The following LINGO2 variants were observed in gnomAD, a reference collection of about 807,000 sequenced individuals.
LINGO2 encodes the protein leucine rich repeat and Ig domain containing 2, also known as leucine-rich repeat and immunoglobulin-like domain-containing nogo receptor-interacting protein 2.
In LINGO2, 14 loss-of-function variants were observed where a neutral mutation model predicts 30.6. That is an observed-to-expected ratio of 0.46 (90% confidence interval 0.30 to 0.72). LINGO2 has a LOEUF of 0.72. LINGO2 is among the 30% of genes least tolerant of loss of function. The probability of loss-of-function intolerance (pLI) is 0.07; values close to 1 mark genes in which losing one functional copy is unlikely to be tolerated. For missense variants in LINGO2, 729 were observed against 751.7 expected (o/e 0.97, Z 0.35); for synonymous variants, 317 against 288.5 (o/e 1.10, Z -1.00).
At chr9:28,914,421 A>G in the LINGO2 span, among the ~76,000 whole-genome samples, 2 of 152,214 alleles carry the variant, frequency 1.3e-5, no homozygotes, top group Admixed American at 6.5e-5. Flanking sequence ...TATATCAAGA[A>G]GCATTTAATT....
chr9:28,507,240 T>TGTGTGTGC (rs5897306), intron 1 of LINGO2, among the ~76,000 whole-genome samples: 8,740 of 149,846 alleles, frequency 0.058, 329 homozygotes, highest in Middle Eastern at 0.089. Context: ...TGTGTGTGCG[T>TGTGTGTGC]GCGTGCGCAC....
intron 4 of LINGO2, among the ~76,000 whole-genome samples, chr9:28,077,259 G>C (rs2133201085): frequency 6.6e-6 from 1 of 152,178 alleles, no homozygotes; most frequent in Middle Eastern, 3.4e-3. Flanking sequence ...TCTTAGATAG[G>C]AAGTAAGAGT....
At chr9:28,637,657 T>C (rs62548207) in intron 1 of LINGO2, among the ~76,000 whole-genome samples, 12,200 of 152,220 alleles carry the variant, frequency 0.08, 688 homozygotes, top group Admixed American at 0.2. Flanking sequence ...CTTGTGATTT[T>C]TGCACATTGA....
At chr9:28,572,512 C>T (rs1220787730) in intron 1 of LINGO2, among the ~76,000 whole-genome samples, 2 of 152,076 alleles carry the variant, frequency 1.3e-5, no homozygotes, top group Admixed American at 1.3e-4. Flanking sequence ...AGCATAACAA[C>T]AAGGCCGCTC....
chr9:28,020,315 G>C (rs905209847), intron 4 of LINGO2, among the ~76,000 whole-genome samples: 1 of 152,162 alleles, frequency 6.6e-6, no homozygotes, highest in East Asian at 1.9e-4. Flanking sequence ...GACCACTTGA[G>C]GTCAGGAGTT....
the LINGO2 span, among the ~76,000 whole-genome samples, chr9:28,909,823 T>C: frequency 6.6e-6 from 1 of 152,070 alleles, no homozygotes; most frequent in Non-Finnish European, 1.5e-5. Context: ...AGACATATAA[T>C]ATTAAAGAGT....
chr9:28,917,501 G>A, the LINGO2 span, among the ~76,000 whole-genome samples: 1 of 151,564 alleles, frequency 6.6e-6, no homozygotes, highest in Non-Finnish European at 1.5e-5. Flanking sequence ...TGCCCAGGCT[G>A]GAGTGCAGTT....
intron 5 of LINGO2, among the ~76,000 whole-genome samples, chr9:28,007,099 TTAAAAC>T (rs1449133764): frequency 6.6e-6 from 1 of 152,110 alleles, no homozygotes; most frequent in Non-Finnish European, 1.5e-5. Flanking sequence ...TAACTCCTCT[TTAAAAC>T]AAAATCACTT....
chr9:29,009,368 C>G, the LINGO2 span, among the ~76,000 whole-genome samples: 2 of 152,146 alleles, frequency 1.3e-5, no homozygotes, highest in African/African-American at 4.8e-5. Flanking sequence ...GCAAAAATCA[C>G]AAGCATTCCT....
At chr9:28,390,608 T>C (rs766170398) in intron 2 of LINGO2, among the ~76,000 whole-genome samples, 3 of 152,158 alleles carry the variant, frequency 2.0e-5, no homozygotes, top group Admixed American at 2.0e-4. Flanking sequence ...AGAATGGAGT[T>C]TACGATCACA....
At chr9:27,945,560 T>C (rs1378472075), downstream of LINGO2, among the ~76,000 whole-genome samples, 1 of 152,130 alleles carries the variant, frequency 6.6e-6, no homozygotes, top group African/African-American at 2.4e-5. Flanking sequence ...ACAACAGTAT[T>C]TCTTTCTGGG....
the LINGO2 span, among the ~76,000 whole-genome samples, chr9:29,058,541 A>AT: frequency 1.3e-5 from 2 of 151,856 alleles, no homozygotes; most frequent in Non-Finnish European, 2.9e-5. Context: ...TTAGAAAAAT[A>AT]TTTTTTTTAA....
At chr9:28,127,966 G>A (rs1827285541) in intron 4 of LINGO2, among the ~76,000 whole-genome samples, 1 of 152,152 alleles carries the variant, frequency 6.6e-6, no homozygotes, top group South Asian at 2.1e-4. Flanking sequence ...AGGAAATTCA[G>A]TCATGCAGCC....
intron 4 of LINGO2, among the ~76,000 whole-genome samples, chr9:28,229,192 T>C (rs1042984085): frequency 7.2e-5 from 11 of 151,832 alleles, no homozygotes; most frequent in Non-Finnish European, 1.6e-4. Flanking sequence ...CATGCAAAAT[T>C]CCTCCTCTTA....
the LINGO2 span, among the ~76,000 whole-genome samples, chr9:29,035,083 A>T: frequency 6.6e-6 from 1 of 152,204 alleles, no homozygotes; most frequent in African/African-American, 2.4e-5. Context: ...ATGATTAAAT[A>T]ATAAAACCGT....
chr9:28,373,986 T>C (rs1171650328), intron 2 of LINGO2, among the ~76,000 whole-genome samples: 3 of 151,714 alleles, frequency 2.0e-5, no homozygotes, highest in African/African-American at 7.3e-5. Context: ...ACAACCAGGC[T>C]TACATGTGTA....
At chr9:28,222,949 A>G (rs1343530853) in intron 4 of LINGO2, among the ~76,000 whole-genome samples, 2 of 152,186 alleles carry the variant, frequency 1.3e-5, no homozygotes, top group Admixed American at 6.5e-5. Flanking sequence ...GAGGAATGAA[A>G]TCATTATATA....
At chr9:28,553,114 G>A (rs138786458) in intron 1 of LINGO2, among the ~76,000 whole-genome samples, 1 of 152,228 alleles carries the variant, frequency 6.6e-6, no homozygotes, top group African/African-American at 2.4e-5. Flanking sequence ...AAGGAACGCA[G>A]CTCCTCACCA....
At chr9:28,206,794 G>A (rs1820424045) in intron 4 of LINGO2, among the ~76,000 whole-genome samples, 1 of 152,028 alleles carries the variant, frequency 6.6e-6, no homozygotes, top group African/African-American at 2.4e-5. Context: ...CTCTTTCAAC[G>A]TGATTTTGGA....
Sources: allele counts gnomAD v4.1 joint callset (sites outside exome capture counted in the v4.1 genomes callset), GRCh38; gene constraint gnomAD v4.1.1; transcripts MANE v1.5; gene names NCBI Gene and HGNC (gene_info 2026-07-23, HGNC 2026-07-21).